The following OR2L13 variants were observed in gnomAD, a reference collection of about 807,000 sequenced individuals.
OR2L13 encodes the protein olfactory receptor family 2 subfamily L member 13.
In OR2L13, 14 loss-of-function variants were observed where a neutral mutation model predicts 15.3. The observed-to-expected ratio is 0.91, with a 90% confidence interval of 0.60 to 1.43. The LOEUF (loss-of-function observed/expected upper bound fraction) is 1.43, where lower values mean the gene tolerates loss of function less well. Among genes scored for constraint, OR2L13 ranks in the 40% most tolerant of loss-of-function variants. The pLI is 0.00. For missense variants in OR2L13, 367 were observed against 387.9 expected (o/e 0.95, Z 0.45); for synonymous variants, 152 against 142.9 (o/e 1.06, Z -0.45).
chr1:247,994,321 C>T, the OR2L13 span, among the ~76,000 whole-genome samples: 5,120 of 152,036 alleles, frequency 0.034, 242 homozygotes, highest in African/African-American at 0.12. Flanking sequence ...GGCGTGAACC[C>T]GGGAGGCGGA....
At chr1:247,949,510 G>A in the OR2L13 span, 1 of 1,613,904 alleles carries the variant, frequency 6.2e-7, no homozygotes, top group Non-Finnish European at 8.5e-7. Flanking sequence ...TGTTCCTATG[G>A]CCAGGTTCTC....
At chr1:248,038,165 C>T in the OR2L13 span, 2 of 780,994 alleles carry the variant, frequency 2.6e-6, no homozygotes, top group East Asian at 2.5e-5. Context: ...CAGTTTCAGG[C>T]ATCCACTGGG....
chr1:247,992,600 C>T, the OR2L13 span, among the ~76,000 whole-genome samples: 3 of 152,258 alleles, frequency 2.0e-5, no homozygotes, highest in Middle Eastern at 3.4e-3. Flanking sequence ...TGCTTAGTTC[C>T]CACTTACAAG....
chr1:248,080,636 G>T, the OR2L13 span, among the ~76,000 whole-genome samples: 3 of 152,136 alleles, frequency 2.0e-5, no homozygotes, highest in African/African-American at 7.2e-5. Context: ...TATAGTCTTT[G>T]TGGTGTATAT....
At chr1:248,014,936 T>C in the OR2L13 span, among the ~76,000 whole-genome samples, 3 of 152,168 alleles carry the variant, frequency 2.0e-5, no homozygotes, top group Non-Finnish European at 2.9e-5. Context: ...AAGCACATCC[T>C]CATCCCAAAA....
At chr1:247,975,011 A>C in the OR2L13 span, 7 of 317,462 alleles carry the variant, frequency 2.2e-5, no homozygotes, top group East Asian at 4.4e-4. Flanking sequence ...AAACAAGTCT[A>C]TTTCCTTCAT....
the OR2L13 span, among the ~76,000 whole-genome samples, chr1:248,068,089 A>G: frequency 6.6e-6 from 1 of 152,136 alleles, no homozygotes; most frequent in South Asian, 2.1e-4. Flanking sequence ...ACAAAAAGAC[A>G]GCAGTAACCT....
chr1:248,033,968 T>C, the OR2L13 span, among the ~76,000 whole-genome samples: 39 of 152,318 alleles, frequency 2.6e-4, 1 homozygote, highest in East Asian at 4.0e-3. Flanking sequence ...TATGATTGTT[T>C]ACCTAGAAAA....
At chr1:248,013,677 C>G in the OR2L13 span, 5 of 152,204 alleles carry the variant, frequency 3.3e-5, 1 homozygote, top group East Asian at 5.8e-4. Flanking sequence ...CATATGATGA[C>G]TATACGACTG....
At chr1:248,037,543 C>G in the OR2L13 span, among the ~76,000 whole-genome samples, 125 of 152,136 alleles carry the variant, frequency 8.2e-4, 4 homozygotes, top group East Asian at 0.017. Flanking sequence ...GTATATATTT[C>G]TTAGAAAAAC....
At chr1:247,965,279 T>C in the OR2L13 span, 7 of 1,378,448 alleles carry the variant, frequency 5.1e-6, no homozygotes, top group African/African-American at 1.0e-4. Context: ...TGAATATTTA[T>C]TTCTGAATGC....
chr1:247,990,334 G>T, the OR2L13 span: 1 of 1,451,370 alleles, frequency 6.9e-7, no homozygotes, highest in Non-Finnish European at 9.7e-7. Context: ...CCAAAAATTG[G>T]CCATTTCATC....
the OR2L13 span, among the ~76,000 whole-genome samples, chr1:248,026,974 C>G: frequency 3.3e-5 from 5 of 152,172 alleles, no homozygotes; most frequent in African/African-American, 1.2e-4. Flanking sequence ...CAGCAATGTT[C>G]AGGGAACAAG....
the OR2L13 span, among the ~76,000 whole-genome samples, chr1:248,005,984 C>G: frequency 0.037 from 5,657 of 152,214 alleles, 313 homozygotes; most frequent in African/African-American, 0.13. Flanking sequence ...AAACTTCTTG[C>G]CATTTCCTGT....
upstream of OR2L13, among the ~76,000 whole-genome samples, chr1:248,095,958 G>A (rs1016461404): frequency 6.6e-6 from 1 of 151,926 alleles, no homozygotes; most frequent in African/African-American, 2.4e-5. Flanking sequence ...GGCAAAGTGA[G>A]TCATAGTAAT....
At chr1:248,061,888 C>T in the OR2L13 span, 2 of 298,392 alleles carry the variant, frequency 6.7e-6, no homozygotes, top group African/African-American at 4.3e-5. Flanking sequence ...TGTTTTTGGT[C>T]ATGCAGAAAT....
chr1:248,091,570 T>G (rs1387249815), upstream of OR2L13, among the ~76,000 whole-genome samples: 1 of 152,086 alleles, frequency 6.6e-6, no homozygotes, highest in African/African-American at 2.4e-5. Flanking sequence ...TTTGTTGGCT[T>G]CGTTGAAAAT....
At chr1:247,954,593 T>C in the OR2L13 span, among the ~76,000 whole-genome samples, 5 of 148,964 alleles carry the variant, frequency 3.4e-5, no homozygotes, top group African/African-American at 9.7e-5. Flanking sequence ...AGGTCCTTAA[T>C]TGAAAGTGAA....
chr1:248,037,106 T>C, the OR2L13 span, among the ~76,000 whole-genome samples: 1 of 152,100 alleles, frequency 6.6e-6, no homozygotes, highest in East Asian at 1.9e-4. Flanking sequence ...GAATGGACAT[T>C]TGATGGTGGT....
Sources: allele counts gnomAD v4.1 joint callset (sites outside exome capture counted in the v4.1 genomes callset), GRCh38; gene constraint gnomAD v4.1.1; transcripts MANE v1.5; gene names NCBI Gene and HGNC (gene_info 2026-07-23, HGNC 2026-07-21).